CANT1: variants seen among roughly 807,000 people sequenced by gnomAD.
The protein encoded by CANT1 is calcium activated nucleotidase 1.
CANT1 carries 26 observed loss-of-function variants against 30.0 expected under a neutral mutation model. The ratio of observed to expected loss-of-function variants is 0.87; its 90% CI spans 0.64 to 1.20. The LOEUF (loss-of-function observed/expected upper bound fraction) is 1.20, where lower values mean the gene tolerates loss of function less well. CANT1 is among the 50% of genes most tolerant of loss of function. CANT1 has a pLI of 0.00. For synonymous variants in CANT1, 246 were observed against 251.8 expected (o/e 0.98, Z 0.22); for missense variants, 518 against 563.0 (o/e 0.92, Z 0.81).
intron 1 of CANT1, chr17:79,005,892 G>A (rs886296944): frequency 6.6e-6 from 1 of 152,206 alleles, no homozygotes; most frequent in Non-Finnish European, 1.5e-5. Flanking sequence ...TGCCTGCTAT[G>A]GGCCAGACTC....
chr17:79,000,183 C>T (rs1396738642), intron 1 of CANT1: 1 of 152,188 alleles, frequency 6.6e-6, no homozygotes. Context: ...TCCTCGTCTC[C>T]CCTTGGGAAG....
At position 78,997,119 on chromosome 17, in the gene CANT1, G is replaced by A. The variant is rs751857487; in HGVS notation, c.504C>T (p.Ser168=). The A allele has an allele frequency of 9.9e-5, 159 of 1,614,058 alleles. No homozygotes were observed. The highest frequency in any genetic ancestry group is 1.3e-4 in the Non-Finnish European group (152 of 1,180,050). The change falls in exon 3 of 5, where the codon TCC becomes TCT. Residue 168 remains serine (S), a synonymous_variant. Transcript: ENST00000392446. The surrounding 1 kb of genome is among the most constrained non-coding windows in gnomAD (Gnocchi z 7.5). ...GTTTCCCATTGAAAACAATCAGGTC[G>A]GATAGCTCCATGCCTCTCCCCTTCT... The part of the protein sequence containing the change: ...LAEKGRGMEL[S]DLIVFNGKLY...
rs990307225 is a variant in CANT1, at chr17:78,995,332, C to T, written c.632-111G>A. ...TTAGACCCCGCACCTGACTCCCGCC[C>T]GGCTCCACACCTGCCTCCCCTCCGG... is the stretch of plus-strand genomic sequence containing the variant. On this transcript the variant is annotated intron_variant, in intron 3 of 4. Transcript: ENST00000392446. This position sits in a 1 kb window ranked among gnomAD's most constrained non-coding sequence, Gnocchi z 5.7. 2.3e-5 allele frequency: 27 copies of T among 1,172,902 alleles called. No homozygotes were observed. The highest frequency in any genetic ancestry group is 1.0e-4 in the South Asian group (8 of 76,298). The allele number at this position is 1,172,902 out of a possible 1,614,324, so 72.7% of individuals were successfully genotyped here. A position where few individuals can be genotyped will look rare whatever the true frequency, so the allele number is the denominator to read the frequency against.
At chr17:79,001,553 G>A (rs2145846971) in intron 1 of CANT1, among the ~76,000 whole-genome samples, 2 of 151,970 alleles carry the variant, frequency 1.3e-5, no homozygotes, top group East Asian at 3.9e-4. Context: ...CGGCACCTCT[G>A]TCCCTTCCCA....
rs2071631253 is a variant in CANT1 at position 79,008,554 on chromosome 17, A to C, written c.-147+1110T>G. ...AGGCCATAGGGCATACAACCTCAAG[A>C]ATAAAATAAGAAATGGAGCTGGGAC... is the stretch of plus-strand genomic sequence containing the variant. On this transcript the variant is annotated intron_variant, in intron 1 of 4. Coordinates refer to ENST00000392446, the MANE Select transcript of CANT1 (RefSeq NM_001159773.2). The surrounding 1 kb of genome is among the most constrained non-coding windows in gnomAD (Gnocchi z 4.4). 6.6e-6 allele frequency among the ~76,000 whole-genome samples: 1 copy of C among 152,208 alleles called. No homozygotes were observed. Among genetic ancestry groups the C allele is most frequent in the Non-Finnish European group, 1.5e-5 (1 of 68,036 alleles).
At chr17:79,005,705 G>A (rs2071525325) in intron 1 of CANT1, among the ~76,000 whole-genome samples, 1 of 152,116 alleles carries the variant, frequency 6.6e-6, no homozygotes, top group Non-Finnish European at 1.5e-5. Context: ...CCCACACCCA[G>A]AGAGCAGGCA....
intron 1 of CANT1, among the ~76,000 whole-genome samples, chr17:79,004,258 C>G (rs1202109294): frequency 1.5e-4 from 2 of 13,786 alleles, no homozygotes. Context: ...AGGGAGAGGA[C>G]AGTTAGGGAG....
At position 78,996,060 on chromosome 17, in the gene CANT1, G is replaced by A. The variant is rs2145838550; in HGVS notation, c.632-839C>T. Among the ~76,000 whole-genome samples, 1 of 152,252 alleles carries A rather than the reference G, an allele frequency of 6.6e-6. No individual in the cohort carries two copies. The highest frequency in any genetic ancestry group is 2.4e-5 in the African/African-American group (1 of 41,548). On this transcript the variant is annotated intron_variant, in intron 3 of 4. Transcript: ENST00000392446. This position sits in a 1 kb window ranked among gnomAD's most constrained non-coding sequence, Gnocchi z 5.1. ...CAAGGGAAGGACAGAACTACACTAG[G>A]GTTGCCTAAAACCCTGACAAGTGCG...
chr17:79,001,543 C>T (rs190484819), intron 1 of CANT1, among the ~76,000 whole-genome samples: 282 of 152,210 alleles, frequency 1.9e-3, no homozygotes, highest in Non-Finnish European at 3.0e-3. Flanking sequence ...CCTGAGTCCC[C>T]GGCACCTCTG....
chr17:78,994,419 G>A (rs2070955094), intron 4 of CANT1, among the ~76,000 whole-genome samples: 2 of 152,210 alleles, frequency 1.3e-5, no homozygotes, highest in South Asian at 4.1e-4. Flanking sequence ...TGTTGGTGTG[G>A]AACACCACGG....
rs1221850717 is a variant in CANT1 at position 78,993,861 on chromosome 17, G to A, written c.895C>T (p.Pro299Ser). The change falls in exon 5 of 5, where the codon CCG becomes TCG. Residue 299 changes from proline to serine, a missense_variant. This residue lies in a region of CANT1 where 221 missense variants were observed against 211.8 expected (regional missense o/e 1.04). Coordinates refer to ENST00000392446, the MANE Select transcript of CANT1 (RefSeq NM_001159773.2). The surrounding 1 kb of genome is among the most constrained non-coding windows in gnomAD (Gnocchi z 4.5). ...TAGCGCTCCTGGCTGGCGCGGCGCG[G>A]CAGGAAGAACCAGCGCTGCAGCGTG... ...SDTLQRWFFLPRRASQERYSE... is the reference protein window; with the variant it reads ...SDTLQRWFFLSRRASQERYSE... 1 of 1,597,520 alleles carries A rather than the reference G, an allele frequency of 6.3e-7. No individual in the cohort carries two copies. Among genetic ancestry groups the A allele is most frequent in the Non-Finnish European group, 8.5e-7 (1 of 1,175,310 alleles).
At chr17:78,994,964 C>G (rs1162435110) in intron 4 of CANT1, 54 bp downstream of exon 4, 1 of 1,523,730 alleles carries the variant, frequency 6.6e-7, no homozygotes, top group Admixed American at 2.0e-5. Flanking sequence ...GAAGCAGGTT[C>G]CCAGCGACTG....
At position 78,998,704 on chromosome 17, in the gene CANT1, G is replaced by A. The variant is rs993828486; in HGVS notation, c.-146-741C>T. On this transcript the variant is annotated intron_variant, in intron 1 of 4. Coordinates refer to ENST00000392446, the MANE Select transcript of CANT1 (RefSeq NM_001159773.2). This position sits in a 1 kb window ranked among gnomAD's most constrained non-coding sequence, Gnocchi z 4.5. ...TGCGCCGCCTTGGTGAGAGCTGCCT[G>A]TCTCTGGACAGCCGCCAAGTGCCAC... is the stretch of plus-strand genomic sequence containing the variant. Among the ~76,000 whole-genome samples, 2 of 152,272 alleles carry A rather than the reference G, an allele frequency of 1.3e-5. No homozygotes were observed. The highest frequency in any genetic ancestry group is 2.4e-5 in the African/African-American group (1 of 41,476).
In CANT1 at chr17:78,996,308, A is replaced by G. The variant is rs1163262672; in HGVS notation, c.631+684T>C. ...GTGGGGATCCACCGCCAGCTCAGAC[A>G]AACGGAGCTCAGAGGAGCTGGCAGC... On this transcript the variant is annotated intron_variant, in intron 3 of 4. Transcript: ENST00000392446. The surrounding 1 kb of genome is among the most constrained non-coding windows in gnomAD (Gnocchi z 5.1). 6.6e-6 allele frequency among the ~76,000 whole-genome samples: 1 copy of G among 152,144 alleles called. No homozygotes were observed. Among genetic ancestry groups the G allele is most frequent in the Non-Finnish European group, 1.5e-5 (1 of 68,008 alleles).
rs935274153 is a variant in CANT1, at chr17:78,995,326, C to T, written c.632-105G>A. The T allele has an allele frequency of 4.0e-6, 5 of 1,241,868 alleles. No homozygotes were observed. Among genetic ancestry groups the T allele is most frequent in the Non-Finnish European group, 5.7e-6 (5 of 880,138 alleles). 76.9% of individuals were successfully genotyped at this position (1,241,868 alleles called of 1,614,324 possible). ...CTGTCCTTAGACCCCGCACCTGACTCCCGCCCGGCTCCACACCTGCCTCCC... is the reference window on the plus strand; with the variant it reads ...CTGTCCTTAGACCCCGCACCTGACTTCCGCCCGGCTCCACACCTGCCTCCC... On this transcript the variant is annotated intron_variant, in intron 3 of 4. Coordinates refer to ENST00000392446, the MANE Select transcript of CANT1 (RefSeq NM_001159773.2). The surrounding 1 kb of genome is among the most constrained non-coding windows in gnomAD (Gnocchi z 5.7).
At position 78,993,114 on chromosome 17, in the gene CANT1, A is replaced by T; in HGVS notation, c.*436T>A. ...GGTGGACATGATGCTCCAGGCACAG[A>T]GTAGGAAGAAAAGGGGGTGACCTGG... On this transcript the variant is annotated 3_prime_UTR_variant, in exon 5 of 5. Transcript: ENST00000392446. The surrounding 1 kb of genome is among the most constrained non-coding windows in gnomAD (Gnocchi z 4.5). 1 of 352,840 alleles carries T rather than the reference A, an allele frequency of 2.8e-6. No homozygotes were observed. Among genetic ancestry groups the T allele is most frequent in the East Asian group, 4.6e-5 (1 of 21,682 alleles). The allele number at this position is 352,840 out of a possible 1,614,324, so 21.9% of individuals were successfully genotyped here.
At chr17:79,001,096 T>G (rs12452918) in intron 1 of CANT1, among the ~76,000 whole-genome samples, 1 of 152,066 alleles carries the variant, frequency 6.6e-6, no homozygotes, top group Non-Finnish European at 1.5e-5. Flanking sequence ...AGCTGCCACA[T>G]CTGAGCTGCA....
Position 79,009,153 on chromosome 17 carries a change from G to A in CANT1, c.-147+511C>T, listed in dbSNP as rs571213989. ...CCCCACACTAACCAGAGGGGGAGGT[G>A]CCCCACATGAATCAGAGGGGGGTGG... On this transcript the variant is annotated intron_variant, in intron 1 of 4. Coordinates refer to ENST00000392446, the MANE Select transcript of CANT1 (RefSeq NM_001159773.2). Among the ~76,000 whole-genome samples, 3 of 150,142 alleles carry A rather than the reference G, an allele frequency of 2.0e-5. No individual in the cohort carries two copies. In the South Asian group the frequency reaches 6.3e-4, roughly 32 times the overall value.
chr17:78,992,735 A>G lies in CANT1; in HGVS notation c.*815T>C. ...TGTGAGACTTGCTTCACCAGCCGCC[A>G]CCGCTTCCTTACAATCTCCCGCACT... On this transcript the variant is annotated 3_prime_UTR_variant, in exon 5 of 5. Transcript: ENST00000392446. 1.7e-6 allele frequency: 1 copy of G among 596,514 alleles called. No homozygotes were observed. The highest frequency in any genetic ancestry group is 3.2e-6 in the Non-Finnish European group (1 of 308,180). The allele number at this position is 596,514 out of a possible 1,614,324, so 37.0% of individuals were successfully genotyped here.
Sources: gnomAD v4.1 joint callset for allele counts (sites outside exome capture counted in the v4.1 genomes callset) on GRCh38, gnomAD v4.1.1 for gene constraint, gnomAD v4.1.1 regional missense constraint, Gnocchi (gnomAD v3.1) non-coding constraint, MANE v1.5 for transcripts, NCBI Gene and HGNC (gene_info 2026-07-23, HGNC 2026-07-21) for gene names.